CRISP2: variants seen among roughly 807,000 people sequenced by gnomAD.
CRISP2 encodes cysteine rich secretory protein 2, also known as cysteine-rich secretory protein 2.
Under a neutral mutation model 31.7 loss-of-function variants are expected in CRISP2, and 29 were observed. The observed-to-expected ratio is 0.92, with a 90% CI of 0.68 to 1.25. The LOEUF is 1.25. Among genes scored for constraint, CRISP2 ranks in the 50% most tolerant of loss-of-function variants. The pLI is 0.00. For synonymous variants in CRISP2, 111 were observed against 101.4 expected, an observed-to-expected ratio of 1.09 and a Z score of -0.57; for missense variants, 318 against 286.5, an observed-to-expected ratio of 1.11 and a Z score of -0.79.
chr6:49,687,218 G>A, the CRISP2 span, among the ~76,000 whole-genome samples: 2 of 152,068 alleles, frequency 1.3e-5, no homozygotes, highest in East Asian at 1.9e-4. Flanking sequence ...ACAATTATCA[G>A]TACTGTCTAT....
rs577428520 is a variant in CRISP2, at chr6:49,692,782, T to C, written c.723A>G (p.Lys241=). 6.2e-7 allele frequency: 1 copy of C among 1,613,102 alleles called. No individual in the cohort carries two copies. Among genetic ancestry groups the C allele is most frequent in the Admixed American group, 1.7e-5 (1 of 59,996 alleles). The change falls in exon 10 of 10, where the codon AAA becomes AAG. Residue 241 remains lysine (K), a synonymous_variant. Coordinates refer to ENST00000339139, the MANE Select transcript of CRISP2 (RefSeq NM_003296.4). ...ATGCTCACTAGGTAAATCAGTAAATTTTGTTCTCACATAGGCAAGTAGCCT... is the reference window on the plus strand; with the variant it reads ...ATGCTCACTAGGTAAATCAGTAAATCTTGTTCTCACATAGGCAAGTAGCCT... ...KCKATCLCEN[K]IY
intron 6 of CRISP2, 40 bp from the exon 7 acceptor site, chr6:49,698,547 C>T (rs1469520753): frequency 1.3e-6 from 2 of 1,564,392 alleles, no homozygotes; most frequent in Non-Finnish European, 1.7e-6. Flanking sequence ...AATAAACATG[C>T]AATGGTAAAA....
the CRISP2 span, among the ~76,000 whole-genome samples, chr6:49,682,286 T>C: frequency 6.6e-6 from 1 of 152,184 alleles, no homozygotes; most frequent in East Asian, 1.9e-4. Context: ...AAGATGATTT[T>C]CAAATCTTTA....
intron 4 of CRISP2, among the ~76,000 whole-genome samples, chr6:49,702,647 A>G (rs1432762529): frequency 6.6e-6 from 1 of 151,524 alleles, no homozygotes; most frequent in East Asian, 1.9e-4. Flanking sequence ...CCACTTTTTG[A>G]TGGGATTTTT....
chr6:49,684,620 T>G, the CRISP2 span, among the ~76,000 whole-genome samples: 4 of 152,192 alleles, frequency 2.6e-5, no homozygotes, highest in Non-Finnish European at 5.9e-5. Context: ...CTCTTGAATA[T>G]CTTACATACT....
chr6:49,682,678 T>C, the CRISP2 span, among the ~76,000 whole-genome samples: 6 of 145,660 alleles, frequency 4.1e-5, no homozygotes, highest in East Asian at 4.1e-4. Flanking sequence ...TTCTCTCTCT[T>C]TCTGTCTCTT....
In CRISP2 at chr6:49,692,785, G is replaced by T; in HGVS notation, c.720C>A (p.Asn240Lys). 6.2e-7 allele frequency: 1 copy of T among 1,612,978 alleles called. No homozygotes were observed. The highest frequency in any genetic ancestry group is 1.3e-5 in the African/African-American group (1 of 75,018). Reference protein sequence around the residue: ...EKCKATCLCENKIY With the variant: ...EKCKATCLCEKKIY ...CTCACTAGGTAAATCAGTAAATTTT[G>T]TTCTCACATAGGCAAGTAGCCTTGC... is the stretch of plus-strand genomic sequence containing the variant. Residue 240 changes from asparagine to lysine, a missense_variant, in exon 10 of 10, where the codon AAC (asparagine) becomes AAA (lysine). By Grantham distance (94) the Asn-to-Lys change is moderately conservative. Coordinates refer to ENST00000339139, the MANE Select transcript of CRISP2 (RefSeq NM_003296.4).
rs143397391 is a variant in CRISP2, at chr6:49,700,113, T to C, written c.184-222A>G. The stretch of plus-strand genomic sequence containing the variant: ...TAAAAAGCAAAATAAGACAATAATA[T>C]GTGATTATTTATGATAGCAAAGCAG... On this transcript the variant is annotated intron_variant, in intron 5 of 9. Transcript: ENST00000339139. Among the ~76,000 whole-genome samples, 75 of 152,282 alleles carry C rather than the reference T, an allele frequency of 4.9e-4. No homozygotes were observed. The East Asian group carries it at 0.014, about 29-fold the overall frequency.
At chr6:49,691,404 A>G (rs1234981625), downstream of CRISP2, among the ~76,000 whole-genome samples, 1 of 152,098 alleles carries the variant, frequency 6.6e-6, no homozygotes, top group Non-Finnish European at 1.5e-5. Context: ...TTGGGGAGCT[A>G]TATATACAAT....
At chr6:49,714,017 G>T (rs1013367691), upstream of CRISP2, among the ~76,000 whole-genome samples, 4 of 152,146 alleles carry the variant, frequency 2.6e-5, no homozygotes, top group Admixed American at 6.5e-5. Context: ...TCATGTTCTT[G>T]TCCCTCTTCC....
intron 9 of CRISP2, among the ~76,000 whole-genome samples, chr6:49,695,091 A>G (rs556750851): frequency 6.6e-6 from 1 of 152,216 alleles, no homozygotes; most frequent in Non-Finnish European, 1.5e-5. Context: ...TAAAAATTTC[A>G]GTGATGGTGT....
the CRISP2 span, among the ~76,000 whole-genome samples, chr6:49,682,141 TC>T: frequency 1.4e-4 from 21 of 152,246 alleles, no homozygotes; most frequent in African/African-American, 4.8e-4. Flanking sequence ...TTCCTCATCT[TC>T]TTGTTTTTGA....
At chr6:49,710,489 T>C (rs1233386430) in intron 3 of CRISP2, among the ~76,000 whole-genome samples, 1 of 152,188 alleles carries the variant, frequency 6.6e-6, no homozygotes, top group African/African-American at 2.4e-5. Flanking sequence ...AAGGCAGACA[T>C]TGTTGCAGCA....
At chr6:49,699,970 T>C (rs1765383627) in intron 5 of CRISP2, 79 bp from the exon 6 acceptor site, 1 of 1,269,262 alleles carries the variant, frequency 7.9e-7, no homozygotes, top group East Asian at 2.4e-5. Flanking sequence ...GATTTGTAAA[T>C]ACTTTAAAAT....
the CRISP2 span, among the ~76,000 whole-genome samples, chr6:49,681,769 C>T: frequency 7.2e-5 from 11 of 152,148 alleles, no homozygotes; most frequent in African/African-American, 2.4e-4. Flanking sequence ...TTCAAGCAAT[C>T]CTCCTATCTC....
At position 49,709,052 on chromosome 6, in the gene CRISP2, C is replaced by T. The variant is rs931707744; in HGVS notation, c.66+79G>A. 43 of 1,207,710 alleles carry T rather than the reference C, an allele frequency of 3.6e-5. No homozygotes were observed. In the Admixed American group the frequency reaches 6.7e-4, roughly 19 times the overall value. 74.8% of individuals were successfully genotyped at this position (1,207,710 alleles called of 1,614,324 possible). A position where few individuals can be genotyped will look rare whatever the true frequency, so the allele number is the denominator to read the frequency against. On this transcript the variant is annotated intron_variant, in intron 4 of 9. Transcript: ENST00000339139. ...ACTCTGACATACCAAACTCTCTTAC[C>T]CCCCTTTACTTTCAGAATAGCCTGC... is the stretch of plus-strand genomic sequence containing the variant.
intron 1 of CRISP2, among the ~76,000 whole-genome samples, 152 bp downstream of exon 1, chr6:49,713,323 A>G (rs565715573): frequency 7.2e-5 from 11 of 152,298 alleles, no homozygotes; most frequent in African/African-American, 2.6e-4. Flanking sequence ...TTGAACTCTC[A>G]GTCTGCCCGG....
chr6:49,697,631 A>C, intron 8 of CRISP2: 1 of 1,194,392 alleles, frequency 8.4e-7, no homozygotes, highest in Non-Finnish European at 1.2e-6. Flanking sequence ...TTGAAAGAAA[A>C]GACATTATTC....
At chr6:49,697,676 C>G (rs1407188975) in intron 8 of CRISP2, 184 bp downstream of exon 8, 1 of 1,494,364 alleles carries the variant, frequency 6.7e-7, no homozygotes, top group Non-Finnish European at 9.0e-7. Context: ...GTTTTTATAC[C>G]TGAAAGTGAG....
Sources: gnomAD v4.1 joint callset for allele counts (sites outside exome capture counted in the v4.1 genomes callset) on GRCh38, gnomAD v4.1.1 for gene constraint, MANE v1.5 for transcripts, NCBI Gene and HGNC (gene_info 2026-07-23, HGNC 2026-07-21) for gene names.